The following ATP8A2 variants were observed in gnomAD, a reference collection of about 807,000 sequenced individuals.
ATP8A2 encodes ATPase phospholipid transporting 8A2, also known as phospholipid-transporting ATPase IB.
Under a neutral mutation model 165.6 loss-of-function variants are expected in ATP8A2, and 100 were observed. That is an observed-to-expected ratio of 0.60 (90% CI 0.51 to 0.71). The LOEUF (loss-of-function observed/expected upper bound fraction) is 0.71, where lower values mean the gene tolerates loss of function less well. Ranked by LOEUF, ATP8A2 falls within the 30% of genes least tolerant of loss-of-function variation. ATP8A2 has a pLI of 0.00. For missense variants in ATP8A2, 1,227 were observed against 1,479.5 expected (o/e 0.83, Z 2.80); for synonymous variants, 543 against 548.8 (o/e 0.99, Z 0.15).
chr13:25,825,933 T>A (rs1485210822), intron 27 of ATP8A2, among the ~76,000 whole-genome samples: 1 of 151,476 alleles, frequency 6.6e-6, no homozygotes, highest in Non-Finnish European at 1.5e-5. Flanking sequence ...CAAAGAATGG[T>A]GATGACAGAG....
chr13:25,568,932 T>A (rs2039392957), intron 16 of ATP8A2, among the ~76,000 whole-genome samples: 1 of 152,160 alleles, frequency 6.6e-6, no homozygotes, highest in African/African-American at 2.4e-5. Context: ...GTTAATTTTA[T>A]TTTAGGATTT....
chr13:25,865,090 C>G (rs1952468463), intron 33 of ATP8A2, among the ~76,000 whole-genome samples: 1 of 152,122 alleles, frequency 6.6e-6, no homozygotes, highest in Admixed American at 6.5e-5. Context: ...AAGCCTTCCT[C>G]CTGGCTCAGG....
intron 1 of ATP8A2, among the ~76,000 whole-genome samples, chr13:25,457,613 AGT>A (rs2035398810): frequency 6.6e-6 from 1 of 152,228 alleles, no homozygotes; most frequent in Non-Finnish European, 1.5e-5. Context: ...GCTCAACAAT[AGT>A]TGTGCTTTTT....
At position 25,793,996 on chromosome 13, in the gene ATP8A2, G is replaced by A. The variant is rs535659756; in HGVS notation, c.2679+19037G>A. ...CCATTTTGAAGAGCACAGACATGGG[G>A]GAGAAGGAGGTAATCGTCATCAATA... is the stretch of plus-strand genomic sequence containing the variant. On this transcript the variant is annotated intron_variant, in intron 27 of 36. Coordinates refer to ENST00000381655, the MANE Select transcript of ATP8A2 (RefSeq NM_016529.6). Among the ~76,000 whole-genome samples the A allele has an allele frequency of 5.9e-5, 9 of 152,260 alleles. No individual in the cohort carries two copies. The South Asian group carries it at 1.9e-3, about 32-fold the overall frequency.
chr13:25,787,882 G>A (rs867033793), intron 27 of ATP8A2, among the ~76,000 whole-genome samples: 9 of 152,236 alleles, frequency 5.9e-5, no homozygotes, highest in Admixed American at 2.6e-4. Context: ...GACCAGAATA[G>A]CATTGACAGT....
At chr13:25,856,446 C>G (rs184028998) in intron 30 of ATP8A2, among the ~76,000 whole-genome samples, 2 of 152,262 alleles carry the variant, frequency 1.3e-5, no homozygotes, top group East Asian at 3.9e-4. Context: ...ATACAATGCA[C>G]ATTGTTCAGG....
chr13:25,813,391 T>TGATAC (rs1374441533), intron 27 of ATP8A2, among the ~76,000 whole-genome samples: 1 of 135,864 alleles, frequency 7.4e-6, no homozygotes, highest in African/African-American at 3.6e-5. Flanking sequence ...ATATATGATA[T>TGATAC]GATATGATAT....
At chr13:25,579,745 C>T (rs973499847) in intron 21 of ATP8A2, 63 bp from the exon 22 acceptor site, 2 of 1,584,558 alleles carry the variant, frequency 1.3e-6, no homozygotes, top group Non-Finnish European at 8.6e-7. Context: ...AAAGGGAGCA[C>T]AGGCTGTCCC....
intron 24 of ATP8A2, among the ~76,000 whole-genome samples, chr13:25,659,489 C>T (rs1380652565): frequency 6.6e-6 from 1 of 152,126 alleles, no homozygotes; most frequent in Admixed American, 6.5e-5. Context: ...AGACCAAATC[C>T]CAGGGGCTTG....
intron 1 of ATP8A2, among the ~76,000 whole-genome samples, chr13:25,450,267 C>G (rs2035176683): frequency 1.3e-5 from 2 of 152,106 alleles, no homozygotes; most frequent in East Asian, 3.8e-4. Context: ...CTATTGTGAA[C>G]AGTGCTGCAA....
At chr13:25,604,803 G>A (rs577153370) in intron 24 of ATP8A2, among the ~76,000 whole-genome samples, 1 of 152,276 alleles carries the variant, frequency 6.6e-6, no homozygotes, top group South Asian at 2.1e-4. Context: ...CATCCAATGG[G>A]TTTGTTTTTG....
chr13:25,942,476 G>T (rs931594643), intron 33 of ATP8A2, among the ~76,000 whole-genome samples: 30 of 152,102 alleles, frequency 2.0e-4, no homozygotes, highest in African/African-American at 6.8e-4. Flanking sequence ...AGGCTGGAGT[G>T]CAGTGGCATG....
chr13:25,769,223 C>G lies in ATP8A2; in HGVS notation c.2562C>G (p.Ile854Met). ...MQATNNSDYA[I>M]AQFSYLEKLL... Reference sequence around the variant, plus strand: ...CCACCAACAACTCGGATTACGCCATCGCACAGGTCAGCAGCTTGGGCGTCC... The same window carrying G: ...CCACCAACAACTCGGATTACGCCATGGCACAGGTCAGCAGCTTGGGCGTCC... The change falls in exon 26 of 37, where the codon ATC (isoleucine) becomes ATG (methionine). Residue 854 changes from isoleucine to methionine, a missense_variant. Ile to Met is a conservative substitution (Grantham distance 10, BLOSUM62 1). This residue lies in a region of ATP8A2 where 592 missense variants were observed against 785.6 expected (regional missense o/e 0.75). Coordinates refer to ENST00000381655, the MANE Select transcript of ATP8A2 (RefSeq NM_016529.6). 2 of 1,609,518 alleles carry G rather than the reference C, an allele frequency of 1.2e-6. No homozygotes were observed. Among genetic ancestry groups the G allele is most frequent in the Non-Finnish European group, 8.5e-7 (1 of 1,176,394 alleles).
intron 1 of ATP8A2, among the ~76,000 whole-genome samples, chr13:25,430,537 A>G (rs1213543365): frequency 6.6e-6 from 1 of 152,154 alleles, no homozygotes; most frequent in African/African-American, 2.4e-5. Flanking sequence ...TAATGATCAG[A>G]CTAGAGGACA....
At chr13:25,622,154 C>T (rs1300178903) in intron 24 of ATP8A2, among the ~76,000 whole-genome samples, 3 of 147,094 alleles carry the variant, frequency 2.0e-5, no homozygotes, top group Non-Finnish European at 4.5e-5. Context: ...TGCAGTGAGC[C>T]GAGATGGCAC....
At chr13:25,890,395 T>A (rs1953322054) in intron 33 of ATP8A2, among the ~76,000 whole-genome samples, 1 of 152,192 alleles carries the variant, frequency 6.6e-6, no homozygotes, top group Admixed American at 6.5e-5. Flanking sequence ...AGAAGAAAAA[T>A]GTACATCAGT....
chr13:25,833,873 CAA>C (rs1325148304), intron 28 of ATP8A2, among the ~76,000 whole-genome samples: 2 of 152,076 alleles, frequency 1.3e-5, no homozygotes, highest in African/African-American at 4.8e-5. Context: ...AACCAATAGA[CAA>C]AGAGTGCATT....
intron 24 of ATP8A2, among the ~76,000 whole-genome samples, chr13:25,644,764 C>T (rs192038442): frequency 0.01 from 1,546 of 152,112 alleles, 17 homozygotes; most frequent in South Asian, 0.018. Context: ...TTCTATTTTT[C>T]GTGATTCAGT....
At chr13:25,845,744 A>G (rs1012386820) in intron 30 of ATP8A2, among the ~76,000 whole-genome samples, 2 of 152,196 alleles carry the variant, frequency 1.3e-5, no homozygotes, top group African/African-American at 2.4e-5. Context: ...TTACTTTATT[A>G]CTGAAAACTT....
Sources: allele counts gnomAD v4.1 joint callset (sites outside exome capture counted in the v4.1 genomes callset), GRCh38; gene constraint gnomAD v4.1.1; regional missense constraint gnomAD v4.1.1; transcripts MANE v1.5; gene names NCBI Gene and HGNC (gene_info 2026-07-23, HGNC 2026-07-21).